SYK: variants seen among roughly 807,000 people sequenced by gnomAD.
The protein encoded by SYK is tyrosine-protein kinase SYK.
A neutral mutation model predicts 77.8 loss-of-function variants in SYK; 16 were observed. That is an observed-to-expected ratio of 0.21 (90% CI 0.14 to 0.31). SYK has a LOEUF of 0.31. Among genes scored for constraint, SYK ranks in the 10% least tolerant of loss-of-function variants. The pLI is 1.00. For synonymous variants in SYK, 312 were observed against 308.7 expected, an observed-to-expected ratio of 1.01 and a Z score of -0.11; for missense variants, 529 against 814.4, an observed-to-expected ratio of 0.65 and a Z score of 4.26.
rs2119012358 is a variant in SYK at position 90,895,571 on chromosome 9, C to T, written c.1879C>T (p.Arg627Cys). Residue 627 changes from arginine to cysteine, a missense_variant, in exon 14 of 14, where the codon CGC becomes TGC. Arg to Cys is a radical substitution (Grantham distance 180, BLOSUM62 -3). Around this residue, in one of 2 missense-constraint regions of SYK, gnomAD observed 208 missense variants for 381.3 expected, o/e 0.55. Transcript: ENST00000375754. This position sits in a 1 kb window ranked among gnomAD's most constrained non-coding sequence, Gnocchi z 4.4. The stretch of plus-strand genomic sequence containing the variant: ...ATTCGCAGCAGTGGAACTGCGGCTG[C>T]GCAATTACTACTATGACGTGGTGAA... ...PGFAAVELRL[R>C]NYYYDVVN The T allele has an allele frequency of 2.5e-6, 4 of 1,614,098 alleles. No homozygotes were observed. The highest frequency in any genetic ancestry group is 1.1e-5 in the South Asian group (1 of 91,084).
At position 90,884,789 on chromosome 9, in the gene SYK, G is replaced by GCACATATACACATATGTGTACATA. The variant is rs1564122638; in HGVS notation, c.1582-2940_1582-2917dup. ...CATGCACATATACACATGTGTACAT[G>GCACATATACACATATGTGTACATA]CACATATACACATATGTGTACATAC... is the stretch of plus-strand genomic sequence containing the variant. On this transcript the variant is annotated intron_variant, in intron 11 of 13. Transcript: ENST00000375754. Among the ~76,000 whole-genome samples the GCACATATACACATATGTGTACATA allele has an allele frequency of 8.7e-5, 2 of 22,980 alleles. 1 individual carries two copies. Among genetic ancestry groups the GCACATATACACATATGTGTACATA allele is most frequent in the African/African-American group, 6.3e-4 (2 of 3,154 alleles). The allele number at this position is 22,980 out of a possible 152,430, so 15.1% of individuals were successfully genotyped here.
At chr9:90,858,499 G>T (rs879824284) in intron 3 of SYK, among the ~76,000 whole-genome samples, 1 of 152,268 alleles carries the variant, frequency 6.6e-6, no homozygotes, top group Admixed American at 6.5e-5. Context: ...GCGGAAGGCA[G>T]CAAGCCAGAC....
intron 11 of SYK, among the ~76,000 whole-genome samples, chr9:90,884,864 T>C (rs373554932): frequency 1.7e-4 from 3 of 17,844 alleles, no homozygotes; most frequent in African/African-American, 1.3e-3. Context: ...TGTGTGTATA[T>C]ACATATATAC....
chr9:90,891,648 CCTCA>C (rs1024074737), intron 13 of SYK, among the ~76,000 whole-genome samples: 1 of 152,134 alleles, frequency 6.6e-6, no homozygotes, highest in African/African-American at 2.4e-5. Context: ...ACTCTGTTAC[CCTCA>C]CTATCTGCCT....
intron 9 of SYK, among the ~76,000 whole-genome samples, chr9:90,875,120 T>G (rs1173867228): frequency 6.6e-6 from 1 of 151,972 alleles, no homozygotes; most frequent in African/African-American, 2.4e-5. Context: ...AAACATCAAA[T>G]TGGCATGGTG....
At chr9:90,864,755 T>C (rs1827411949) in intron 5 of SYK, 88 bp downstream of exon 5, 2 of 1,193,410 alleles carry the variant, frequency 1.7e-6, no homozygotes, top group Non-Finnish European at 2.5e-6. Flanking sequence ...CAGATTTGGG[T>C]TGGATGAGGA....
chr9:90,846,043 T>C (rs939081017), intron 3 of SYK, among the ~76,000 whole-genome samples: 3 of 152,100 alleles, frequency 2.0e-5, no homozygotes, highest in African/African-American at 7.2e-5. Flanking sequence ...TTCCTGGGAG[T>C]AGCATCCATG....
intron 1 of SYK, among the ~76,000 whole-genome samples, chr9:90,836,009 C>T (rs1445822953): frequency 1.3e-5 from 2 of 152,110 alleles, no homozygotes; most frequent in Non-Finnish European, 2.9e-5. Context: ...AAAATGTTGG[C>T]CGGGCGCTGT....
At chr9:90,837,320 C>A (rs1041916608) in intron 1 of SYK, among the ~76,000 whole-genome samples, 1 of 152,068 alleles carries the variant, frequency 6.6e-6, no homozygotes, top group Non-Finnish European at 1.5e-5. Context: ...ACCTTTGGGG[C>A]TCACATTTTA....
In SYK at chr9:90,874,231, G is replaced by A. The variant is rs1481997940; in HGVS notation, c.943G>A (p.Glu315Lys). ...CTCCCCTGCCCAAGGGAACCGGCAA[G>A]AGAGTACTGTGTCATTCAATCCGTA... Reference protein sequence around the residue: ...KSSPAQGNRQESTVSFNPYEP... With the variant: ...KSSPAQGNRQKSTVSFNPYEP... The change falls in exon 8 of 14, where the codon GAG becomes AAG. Residue 315 changes from glutamate to lysine, a missense_variant. Around this residue, in one of 2 missense-constraint regions of SYK, gnomAD observed 321 missense variants for 433.1 expected, o/e 0.74. Coordinates refer to ENST00000375754, the MANE Select transcript of SYK (RefSeq NM_003177.7). The A allele has an allele frequency of 6.2e-7, 1 of 1,614,124 alleles. No homozygotes were observed. Among genetic ancestry groups the A allele is most frequent in the Non-Finnish European group, 8.5e-7 (1 of 1,180,054 alleles).
At chr9:90,811,263 T>A (rs1825060607) in intron 1 of SYK, among the ~76,000 whole-genome samples, 1 of 152,096 alleles carries the variant, frequency 6.6e-6, no homozygotes, top group Non-Finnish European at 1.5e-5. Flanking sequence ...TGGTAAAGCA[T>A]CAATAGCTTT....
chr9:90,808,623 C>A (rs949711872), intron 1 of SYK, among the ~76,000 whole-genome samples: 1 of 152,064 alleles, frequency 6.6e-6, no homozygotes, highest in African/African-American at 2.4e-5. Context: ...ACTCCCTGTT[C>A]TTTGTGGGTA....
chr9:90,895,420 G>C lies in SYK; in HGVS notation c.1836-108G>C. ...CTGTGAGCTGCAGGCCCTAGAGTTAGCCACCAGGGAGCAGCACCACTGGTA... is the reference window on the plus strand; with the variant it reads ...CTGTGAGCTGCAGGCCCTAGAGTTACCCACCAGGGAGCAGCACCACTGGTA... On this transcript the variant is annotated intron_variant, in intron 13 of 13. Coordinates refer to ENST00000375754, the MANE Select transcript of SYK (RefSeq NM_003177.7). The surrounding 1 kb of genome is among the most constrained non-coding windows in gnomAD (Gnocchi z 4.4). 1.7e-6 allele frequency: 2 copies of C among 1,159,892 alleles called. No homozygotes were observed. The highest frequency in any genetic ancestry group is 2.5e-6 in the Non-Finnish European group (2 of 787,568). 71.9% of individuals were successfully genotyped at this position (1,159,892 alleles called of 1,614,324 possible). A position where few individuals can be genotyped will look rare whatever the true frequency, so the allele number is the denominator to read the frequency against.
rs1564123124 is a variant in SYK at position 90,884,880 on chromosome 9, TAC to T, written c.1582-2867_1582-2866del. 3.1e-4 allele frequency among the ~76,000 whole-genome samples: 2 copies of T among 6,464 alleles called. 1 individual carries two copies. Among genetic ancestry groups the T allele is most frequent in the Non-Finnish European group, 4.3e-4 (2 of 4,612 alleles). 4.2% of individuals were successfully genotyped at this position (6,464 alleles called of 152,430 possible). A position where few individuals can be genotyped will look rare whatever the true frequency, so the allele number is the denominator to read the frequency against. On this transcript the variant is annotated intron_variant, in intron 11 of 13. Transcript: ENST00000375754. ...GTGTGTATATACATATATACATATA[TAC>T]ATATATATACATATGCACATATGTG...
intron 1 of SYK, among the ~76,000 whole-genome samples, chr9:90,811,837 G>T (rs1825086337): frequency 6.6e-6 from 1 of 151,276 alleles, no homozygotes; most frequent in African/African-American, 2.4e-5. Flanking sequence ...GAGGTGGGGG[G>T]ATCACTTGAG....
chr9:90,891,271 G>A (rs374567323), intron 13 of SYK, among the ~76,000 whole-genome samples: 11 of 149,624 alleles, frequency 7.4e-5, no homozygotes, highest in African/African-American at 2.7e-4. Context: ...TCAGCCTCCC[G>A]AGTAGCTGGG....
At chr9:90,877,266 C>T (rs1827974220) in intron 9 of SYK, among the ~76,000 whole-genome samples, 1 of 152,164 alleles carries the variant, frequency 6.6e-6, no homozygotes. Flanking sequence ...TGACCTTGAA[C>T]TTCTGACCTC....
intron 1 of SYK, among the ~76,000 whole-genome samples, chr9:90,819,550 C>T (rs1337337310): frequency 6.6e-6 from 1 of 152,102 alleles, no homozygotes; most frequent in Non-Finnish European, 1.5e-5. Flanking sequence ...AAGAGGAAAC[C>T]CCTGATAAAT....
intron 3 of SYK, among the ~76,000 whole-genome samples, chr9:90,848,832 T>A (rs1564092496): frequency 6.6e-6 from 1 of 152,230 alleles, no homozygotes; most frequent in Non-Finnish European, 1.5e-5. Flanking sequence ...TGCATTTAAG[T>A]AAGGGCGTAG....
Sources: allele counts gnomAD v4.1 joint callset (sites outside exome capture counted in the v4.1 genomes callset), GRCh38; gene constraint gnomAD v4.1.1; regional missense constraint gnomAD v4.1.1; non-coding constraint Gnocchi (gnomAD v3.1); transcripts MANE v1.5; gene names NCBI Gene and HGNC (gene_info 2026-07-23, HGNC 2026-07-21).